Variants in ARL13B observed in about 807,000 individuals in gnomAD.
The protein encoded by ARL13B is ADP-ribosylation factor-like protein 13B.
ARL13B carries 36 observed loss-of-function variants against 56.1 expected under a neutral mutation model. The ratio of observed to expected loss-of-function variants is 0.64; its 90% CI spans 0.49 to 0.85. ARL13B has a LOEUF of 0.85. Ranked by LOEUF, ARL13B falls within the 40% of genes least tolerant of loss-of-function variation. ARL13B has a pLI of 0.00. For synonymous variants in ARL13B, 178 were observed against 171.1 expected (o/e 1.04, Z -0.32); for missense variants, 519 against 507.1 (o/e 1.02, Z -0.23).
intron 3 of ARL13B, chr3:94,014,553 TAA>T (rs768872191): frequency 1.8e-5 from 29 of 1,612,694 alleles, no homozygotes; most frequent in Non-Finnish European, 2.2e-5. Context: ...GTTCCTCTAC[TAA>T]AAGAGATATC....
intron 2 of ARL13B, among the ~76,000 whole-genome samples, chr3:94,001,311 C>T (rs2076051813): frequency 6.6e-6 from 1 of 152,152 alleles, no homozygotes; most frequent in Non-Finnish European, 1.5e-5. Context: ...TGAGGCCTGT[C>T]TCTGCCTGCT....
At position 94,003,922 on chromosome 3, in the gene ARL13B, G is replaced by A. The variant is rs372661988; in HGVS notation, c.380+14G>A. ...GCCTATATTGGTGTAAGTAATGTTA[G>A]CATCATTGTAAATGTAGGGACGATG... On this transcript the variant is annotated intron_variant, in intron 3 of 9. Transcript: ENST00000394222. 3.7e-5 allele frequency: 60 copies of A among 1,612,786 alleles called. No homozygotes were observed. Among genetic ancestry groups the A allele is most frequent in the Non-Finnish European group, 4.8e-5 (57 of 1,179,442 alleles).
chr3:94,025,901 A>G (rs1170960526), intron 3 of ARL13B, among the ~76,000 whole-genome samples: 2 of 152,196 alleles, frequency 1.3e-5, no homozygotes, highest in African/African-American at 2.4e-5. Flanking sequence ...CTATAATGCA[A>G]CAAACTCTAA....
At chr3:94,006,952 G>A (rs766777347) in intron 3 of ARL13B, among the ~76,000 whole-genome samples, 4 of 152,174 alleles carry the variant, frequency 2.6e-5, no homozygotes, top group Non-Finnish European at 4.4e-5. Flanking sequence ...AGGGTAGCAG[G>A]AGGGGATACC....
At chr3:94,043,288 A>C in intron 7 of ARL13B, 48 bp downstream of exon 7, 5 of 1,469,338 alleles carry the variant, frequency 3.4e-6, no homozygotes, top group Non-Finnish European at 4.7e-6. Context: ...ATATATAAAT[A>C]AAACTTATAC....
intron 2 of ARL13B, among the ~76,000 whole-genome samples, chr3:93,998,360 A>T (rs1260890926): frequency 6.6e-6 from 1 of 152,110 alleles, no homozygotes; most frequent in African/African-American, 2.4e-5. Context: ...ACCTCCATAT[A>T]TTCATAAGTT....
chr3:94,007,096 A>G (rs1390838480), intron 3 of ARL13B, among the ~76,000 whole-genome samples: 3 of 152,106 alleles, frequency 2.0e-5, no homozygotes, highest in African/African-American at 4.8e-5. Context: ...CTGAGCCTAA[A>G]CTAGTTGAGG....
chr3:94,028,240 G>A (rs549397501), intron 3 of ARL13B: 2 of 152,062 alleles, frequency 1.3e-5, no homozygotes, highest in African/African-American at 2.4e-5. Flanking sequence ...CTGGTACCCC[G>A]GTCCAAATCT....
In ARL13B at chr3:94,036,571, C is replaced by T. The variant is rs376359647; in HGVS notation, c.506C>T (p.Ser169Leu). ...LCQIEPCSAI[S>L]GYGKKIDKSI... Reference sequence around the variant, plus strand: ...TTTTAGGAACCATGTTCAGCAATCTCGGGGTATGGAAAGAAAATTGACAAG... The same window carrying T: ...TTTTAGGAACCATGTTCAGCAATCTTGGGGTATGGAAAGAAAATTGACAAG... The change falls in exon 5 of 10, where the codon TCG (serine) becomes TTG (leucine). Residue 169 changes from serine to leucine, a missense_variant. Physicochemically the swap from Ser to Leu is moderately radical, Grantham distance 145. Coordinates refer to ENST00000394222, the MANE Select transcript of ARL13B (RefSeq NM_001174150.2). 1.3e-4 allele frequency: 211 copies of T among 1,613,798 alleles called. 3 individuals carry two copies. In the South Asian group the frequency reaches 2.0e-3, roughly 16 times the overall value.
chr3:94,016,790 G>T (rs926898621), intron 3 of ARL13B, among the ~76,000 whole-genome samples: 3 of 151,982 alleles, frequency 2.0e-5, no homozygotes, highest in Non-Finnish European at 2.9e-5. Context: ...GGGATTACAG[G>T]TGCCTGCCAC....
intron 3 of ARL13B, chr3:94,015,164 G>A (rs372071936): frequency 1.2e-5 from 19 of 1,613,778 alleles, no homozygotes; most frequent in Admixed American, 6.7e-5. Context: ...ACAGCTTGCT[G>A]TAGAAACACC....
chr3:94,004,394 T>A (rs967582335), intron 3 of ARL13B, among the ~76,000 whole-genome samples: 4 of 152,278 alleles, frequency 2.6e-5, no homozygotes, highest in African/African-American at 9.6e-5. Flanking sequence ...AAATTAGGCA[T>A]ACACTTATAT....
intron 3 of ARL13B, among the ~76,000 whole-genome samples, chr3:94,026,073 G>T (rs956088599): frequency 6.7e-6 from 1 of 148,830 alleles, no homozygotes; most frequent in South Asian, 2.1e-4. Flanking sequence ...AGGCTGGAGT[G>T]CAGTGGCACC....
At chr3:93,985,671 A>G (rs1399716357) in intron 1 of ARL13B, among the ~76,000 whole-genome samples, 1 of 152,220 alleles carries the variant, frequency 6.6e-6, no homozygotes, top group East Asian at 1.9e-4. Flanking sequence ...ATTAATCTTT[A>G]GTCATCATAT....
At position 94,052,788 on chromosome 3, in the gene ARL13B, A is replaced by C. The variant is rs567447616; in HGVS notation, c.1211-399A>C. Reference sequence around the variant, plus strand: ...ATTTTTTGTTGCAATGTAAAGTACAAACTTGATAGTGGCTATATTTGGGGT... The same window carrying C: ...ATTTTTTGTTGCAATGTAAAGTACACACTTGATAGTGGCTATATTTGGGGT... On this transcript the variant is annotated intron_variant, in intron 9 of 9. Transcript: ENST00000394222. Among the ~76,000 whole-genome samples the C allele has an allele frequency of 3.9e-5, 6 of 152,282 alleles. 1 individual carries two copies. In the South Asian group the frequency reaches 8.3e-4, roughly 21 times the overall value.
chr3:93,996,618 T>C (rs1299261866), intron 2 of ARL13B: 3 of 442,336 alleles, frequency 6.8e-6, no homozygotes, highest in Non-Finnish European at 9.2e-6. Flanking sequence ...CCTCAAGCTA[T>C]TCTTCTGCCT....
At chr3:94,031,271 A>G (rs1035357914) in intron 3 of ARL13B, among the ~76,000 whole-genome samples, 1 of 152,128 alleles carries the variant, frequency 6.6e-6, no homozygotes, top group Non-Finnish European at 1.5e-5. Flanking sequence ...CAACACGAAT[A>G]CATGGTTAGA....
chr3:94,034,064 A>C (rs1196097144), intron 3 of ARL13B, among the ~76,000 whole-genome samples: 1 of 152,160 alleles, frequency 6.6e-6, no homozygotes, highest in African/African-American at 2.4e-5. Context: ...TTGTAAAATG[A>C]TATTGGAGAA....
chr3:93,980,200 C>G lies in ARL13B; in HGVS notation c.-224C>G. On this transcript the variant is annotated 5_prime_UTR_variant, in exon 1 of 10. Transcript: ENST00000394222. ...CGCTAACTCGGCTACGGTGTATCTG[C>G]GTCTTTGGTCAGGTTGTTCCTTGGC... is the stretch of plus-strand genomic sequence containing the variant. 2.9e-6 allele frequency: 2 copies of G among 698,578 alleles called. No individual in the cohort carries two copies. The highest frequency in any genetic ancestry group is 5.2e-6 in the Non-Finnish European group (2 of 385,742). 43.3% of individuals were successfully genotyped at this position (698,578 alleles called of 1,614,324 possible).
Sources: allele counts gnomAD v4.1 joint callset (sites outside exome capture counted in the v4.1 genomes callset), GRCh38; gene constraint gnomAD v4.1.1; transcripts MANE v1.5; gene names NCBI Gene and HGNC (gene_info 2026-07-23, HGNC 2026-07-21).